NPTN: variants seen among roughly 807,000 people sequenced by gnomAD.
The protein encoded by NPTN is SDR-1.
A neutral mutation model predicts 42.7 loss-of-function variants in NPTN; 5 were observed. That is an observed-to-expected ratio of 0.12 (90% confidence interval 0.06 to 0.25). The LOEUF is 0.25. Ranked by LOEUF, NPTN falls within the 10% of genes least tolerant of loss-of-function variation. NPTN has a pLI of 1.00. For synonymous variants in NPTN, 180 were observed against 201.9 expected (o/e 0.89, Z 0.92); for missense variants, 307 against 525.4 (o/e 0.58, Z 4.06).
rs138070371 is a variant in NPTN at position 73,598,339 on chromosome 15, T to C, written c.92-970A>G. ...TACCCTGATGAATTAAACTAAACAC[T>C]AGGGTGAAAGCCAGGCCTCAACCAA... is the stretch of plus-strand genomic sequence containing the variant. On this transcript the variant is annotated intron_variant, in intron 1 of 8. Transcript: ENST00000345330. Among the ~76,000 whole-genome samples, 388 of 152,088 alleles carry C rather than the reference T, an allele frequency of 2.6e-3. 1 individual carries two copies. The highest frequency in any genetic ancestry group is 4.1e-3 in the Non-Finnish European group (279 of 67,960).
At chr15:73,613,309 A>C (rs948174643) in intron 1 of NPTN, among the ~76,000 whole-genome samples, 2 of 152,304 alleles carry the variant, frequency 1.3e-5, no homozygotes, top group East Asian at 3.9e-4. Context: ...TATCTATTAA[A>C]ATTATAAATC....
chr15:73,587,676 C>T, intron 3 of NPTN, 58 bp from the exon 4 acceptor site: 1 of 1,260,068 alleles, frequency 7.9e-7, no homozygotes, highest in Non-Finnish European at 1.2e-6. Context: ...AAATATAAAA[C>T]AGAAGGAGAA....
chr15:73,588,763 C>G (rs924358518), intron 3 of NPTN, among the ~76,000 whole-genome samples: 1 of 152,210 alleles, frequency 6.6e-6, no homozygotes, highest in Non-Finnish European at 1.5e-5. Context: ...CATTCTCTCT[C>G]ACACTACTCT....
At chr15:73,575,490 G>C (rs560297896) in intron 4 of NPTN, among the ~76,000 whole-genome samples, 2 of 152,238 alleles carry the variant, frequency 1.3e-5, no homozygotes, top group South Asian at 4.1e-4. Context: ...ATAGGAAAGA[G>C]AATCGATATG....
intron 1 of NPTN, among the ~76,000 whole-genome samples, chr15:73,612,958 T>C (rs1415382921): frequency 2.0e-5 from 3 of 152,162 alleles, no homozygotes; most frequent in Non-Finnish European, 4.4e-5. Context: ...GGTAACCATA[T>C]AATTTGTCAT....
chr15:73,615,205 C>A (rs1336475926), intron 1 of NPTN, among the ~76,000 whole-genome samples: 1 of 149,374 alleles, frequency 6.7e-6, no homozygotes, highest in African/African-American at 2.5e-5. Flanking sequence ...CATGGTGGGC[C>A]AGGGATGGAC....
intron 1 of NPTN, among the ~76,000 whole-genome samples, chr15:73,626,187 A>G (rs1247208875): frequency 6.6e-6 from 1 of 152,240 alleles, no homozygotes; most frequent in African/African-American, 2.4e-5. Flanking sequence ...CTTTCAGCCA[A>G]CAGAAAGATC....
At chr15:73,604,667 A>G (rs56084520) in intron 1 of NPTN, among the ~76,000 whole-genome samples, 2,570 of 152,214 alleles carry the variant, frequency 0.017, 40 homozygotes, top group East Asian at 0.054. Context: ...CATTTCTTCA[A>G]CCTCAGTTTC....
At chr15:73,587,380 G>T in intron 4 of NPTN, 144 bp downstream of exon 4, 1 of 597,718 alleles carries the variant, frequency 1.7e-6, no homozygotes, top group Non-Finnish European at 3.0e-6. Context: ...AGGCAGCCAC[G>T]ATCCTGAGCC....
intron 2 of NPTN, among the ~76,000 whole-genome samples, chr15:73,592,398 T>C (rs940064468): frequency 1.3e-5 from 2 of 152,208 alleles, no homozygotes; most frequent in African/African-American, 2.4e-5. Context: ...CGGGTGCTTG[T>C]ACTGGTAATA....
At chr15:73,571,793 A>G (rs572206344) in intron 5 of NPTN, among the ~76,000 whole-genome samples, 2 of 152,310 alleles carry the variant, frequency 1.3e-5, no homozygotes, top group East Asian at 3.9e-4. Context: ...TTATCCTGGA[A>G]ATGATTCTAG....
intron 3 of NPTN, among the ~76,000 whole-genome samples, chr15:73,588,923 G>A (rs577022584): frequency 3.3e-5 from 5 of 152,194 alleles, no homozygotes; most frequent in Non-Finnish European, 7.3e-5. Context: ...CCTGGTGCCT[G>A]GAATACGGCA....
At chr15:73,585,064 A>C (rs896748398) in intron 4 of NPTN, among the ~76,000 whole-genome samples, 3 of 152,316 alleles carry the variant, frequency 2.0e-5, no homozygotes, top group East Asian at 1.9e-4. Context: ...AGCCCAAACA[A>C]CACCCCAGAA....
chr15:73,563,311 A>G (rs1023769403), intron 6 of NPTN, 54 bp from the exon 7 acceptor site: 9 of 1,608,046 alleles, frequency 5.6e-6, no homozygotes, highest in African/African-American at 5.3e-5. Flanking sequence ...AAGAAAGGAG[A>G]AAACTGTTAG....
chr15:73,629,936 G>C (rs2141485486), intron 1 of NPTN, among the ~76,000 whole-genome samples: 1 of 152,210 alleles, frequency 6.6e-6, no homozygotes, highest in East Asian at 1.9e-4. Flanking sequence ...ACACAGTGCA[G>C]CTGGTCACTT....
chr15:73,612,298 T>C (rs920143399), intron 1 of NPTN, among the ~76,000 whole-genome samples: 4 of 151,742 alleles, frequency 2.6e-5, no homozygotes, highest in Admixed American at 1.3e-4. Context: ...TATGTACCTA[T>C]AGTCCCAGCT....
At chr15:73,609,878 A>C (rs1245177371) in intron 1 of NPTN, among the ~76,000 whole-genome samples, 1 of 152,164 alleles carries the variant, frequency 6.6e-6, no homozygotes, top group Non-Finnish European at 1.5e-5. Flanking sequence ...CCATCATCTC[A>C]GACATTTATC....
chr15:73,602,247 T>C (rs1399701781), intron 1 of NPTN, among the ~76,000 whole-genome samples: 3 of 152,180 alleles, frequency 2.0e-5, no homozygotes, highest in African/African-American at 7.2e-5. Context: ...GCCAGGCCTT[T>C]AAGTCTTGCC....
At chr15:73,608,452 G>T (rs555341446) in intron 1 of NPTN, among the ~76,000 whole-genome samples, 1 of 152,294 alleles carries the variant, frequency 6.6e-6, no homozygotes, top group Admixed American at 6.5e-5. Context: ...GAAACACCAT[G>T]AGCACAGTAT....
Sources: allele counts gnomAD v4.1 joint callset (sites outside exome capture counted in the v4.1 genomes callset), GRCh38; gene constraint gnomAD v4.1.1; transcripts MANE v1.5; gene names NCBI Gene and HGNC (gene_info 2026-07-23, HGNC 2026-07-21).